The following ANKFN1 variants were observed in gnomAD, a reference collection of about 807,000 sequenced individuals.
ANKFN1 encodes the protein ankyrin repeat and fibronectin type-III domain-containing protein 1.
ANKFN1 carries 74 observed loss-of-function variants against 108.7 expected under a neutral mutation model. The ratio of observed to expected loss-of-function variants is 0.68; its 90% CI spans 0.56 to 0.83. ANKFN1 has a LOEUF of 0.83. Ranked by LOEUF, ANKFN1 falls within the 40% of genes least tolerant of loss-of-function variation. The pLI is 0.00. For missense variants in ANKFN1, 1,505 were observed against 1,382.3 expected, an observed-to-expected ratio of 1.09 and a Z score of -1.41; for synonymous variants, 547 against 516.2, an observed-to-expected ratio of 1.06 and a Z score of -0.81.
intron 4 of ANKFN1, among the ~76,000 whole-genome samples, chr17:56,341,691 T>C (rs2045963283): frequency 6.6e-6 from 1 of 152,132 alleles, no homozygotes. Flanking sequence ...TTTGATGTGC[T>C]GCTGGATTTA....
At chr17:56,372,959 G>A in intron 7 of ANKFN1, 119 bp downstream of exon 7, 2 of 1,034,556 alleles carry the variant, frequency 1.9e-6, no homozygotes, top group East Asian at 2.5e-5. Context: ...GCCGTTGTCA[G>A]CCTGTATGGA....
chr17:56,319,313 T>C (rs532317410), intron 3 of ANKFN1, among the ~76,000 whole-genome samples: 1 of 152,196 alleles, frequency 6.6e-6, no homozygotes, highest in African/African-American at 2.4e-5. Flanking sequence ...GTTCTATTTT[T>C]TAATCTAGAC....
intron 8 of ANKFN1, among the ~76,000 whole-genome samples, chr17:56,409,715 A>G (rs902704637): frequency 7.2e-5 from 11 of 152,172 alleles, no homozygotes; most frequent in Non-Finnish European, 1.2e-4. Flanking sequence ...CTACATCATG[A>G]TTATAATACT....
intron 1 of ANKFN1, among the ~76,000 whole-genome samples, chr17:56,157,735 T>C (rs543744674): frequency 6.6e-6 from 1 of 152,334 alleles, no homozygotes; most frequent in South Asian, 2.1e-4. Context: ...AAGTGATTAC[T>C]TACCTACCTC....
chr17:56,189,170 C>CATTTTTTTTTTTTTTTT (rs1555607722), intron 1 of ANKFN1, among the ~76,000 whole-genome samples: 15 of 85,258 alleles, frequency 1.8e-4, no homozygotes, highest in African/African-American at 7.5e-4. Flanking sequence ...GTTGCCCTGA[C>CATTTTTTTTTTTTTTTT]TTTTTTTTTT....
chr17:56,143,180 A>G (rs537686947), intron 4 of ANKFN1, among the ~76,000 whole-genome samples: 59 of 152,278 alleles, frequency 3.9e-4, no homozygotes, highest in African/African-American at 1.4e-3. Flanking sequence ...TGGGGGCTTC[A>G]CGCATGGTAG....
chr17:56,490,714 T>G (rs183101395), intron 18 of ANKFN1, among the ~76,000 whole-genome samples: 15 of 152,094 alleles, frequency 9.9e-5, no homozygotes, highest in African/African-American at 3.6e-4. Flanking sequence ...CAAAAAAAAG[T>G]GCTAAACAGA....
intron 3 of ANKFN1, among the ~76,000 whole-genome samples, chr17:56,255,945 A>G (rs772627368): frequency 1.2e-4 from 19 of 152,184 alleles, no homozygotes; most frequent in Non-Finnish European, 2.1e-4. Flanking sequence ...AGGCCAAGGC[A>G]AGAGGATTGC....
chr17:56,285,028 C>T (rs77094095), intron 3 of ANKFN1, among the ~76,000 whole-genome samples: 4,391 of 152,226 alleles, frequency 0.029, 207 homozygotes, highest in African/African-American at 0.1. Flanking sequence ...CTTCTGTGAC[C>T]TATAAATATT....
intron 4 of ANKFN1, among the ~76,000 whole-genome samples, chr17:56,075,144 T>C (rs895150942): frequency 6.6e-6 from 1 of 152,152 alleles, no homozygotes; most frequent in African/African-American, 2.4e-5. Context: ...AGAGTCCAAA[T>C]TATCAGGAAA....
chr17:56,103,142 G>T (rs1905680067), intron 4 of ANKFN1, among the ~76,000 whole-genome samples: 1 of 152,148 alleles, frequency 6.6e-6, no homozygotes, highest in South Asian at 2.1e-4. Flanking sequence ...AGTCGCCTTT[G>T]AAAAGTCAAT....
chr17:56,132,603 C>T (rs577582131), intron 4 of ANKFN1, among the ~76,000 whole-genome samples: 2 of 152,238 alleles, frequency 1.3e-5, no homozygotes, highest in African/African-American at 4.8e-5. Flanking sequence ...TCGGTCCAGG[C>T]TGCCATAACA....
chr17:56,270,962 A>G (rs2043777616), intron 3 of ANKFN1, among the ~76,000 whole-genome samples: 1 of 151,670 alleles, frequency 6.6e-6, no homozygotes, highest in African/African-American at 2.4e-5. Flanking sequence ...ACTTAGCACC[A>G]CCACCTAAAA....
intron 8 of ANKFN1, among the ~76,000 whole-genome samples, chr17:56,379,432 C>T (rs1335390960): frequency 1.3e-5 from 2 of 151,964 alleles, no homozygotes; most frequent in Admixed American, 6.6e-5. Context: ...AAGTCCTTCA[C>T]CCTTCTTCCA....
intron 8 of ANKFN1, among the ~76,000 whole-genome samples, chr17:56,433,946 G>C (rs2048847210): frequency 6.6e-6 from 1 of 152,170 alleles, no homozygotes; most frequent in South Asian, 2.1e-4. Flanking sequence ...TGAGGCAGGA[G>C]AATTGCTTGA....
At chr17:56,207,781 A>T (rs930908981) in intron 1 of ANKFN1, among the ~76,000 whole-genome samples, 2 of 151,724 alleles carry the variant, frequency 1.3e-5, no homozygotes, top group African/African-American at 4.8e-5. Context: ...TTTCATCCCC[A>T]TTCATTTGTT....
At chr17:56,357,588 G>C (rs116777897) in intron 6 of ANKFN1, among the ~76,000 whole-genome samples, 22 of 152,184 alleles carry the variant, frequency 1.4e-4, no homozygotes, top group Admixed American at 2.0e-4. Context: ...GGTGTCAGTC[G>C]TGTTGGAGAG....
chr17:56,430,500 CCACACACACACA>C (rs60148599), intron 8 of ANKFN1, among the ~76,000 whole-genome samples: 2 of 144,074 alleles, frequency 1.4e-5, no homozygotes, highest in Admixed American at 1.4e-4. Flanking sequence ...GATGCTTTTA[CCACACACACACA>C]CACACACACA....
At chr17:56,370,982 C>T (rs2046797339) in intron 6 of ANKFN1, among the ~76,000 whole-genome samples, 1 of 151,852 alleles carries the variant, frequency 6.6e-6, no homozygotes, top group African/African-American at 2.4e-5. Flanking sequence ...GCGTTCATAC[C>T]CCATCATTGC....
Sources: gnomAD v4.1 joint callset for allele counts (sites outside exome capture counted in the v4.1 genomes callset) on GRCh38, gnomAD v4.1.1 for gene constraint, MANE v1.5 for transcripts, NCBI Gene and HGNC (gene_info 2026-07-23, HGNC 2026-07-21) for gene names.